NALF1: variants seen among roughly 807,000 people sequenced by gnomAD.
NALF1 encodes the protein family with sequence similarity 155 member A.
A neutral mutation model predicts 48.4 loss-of-function variants in NALF1; 3 were observed. The observed-to-expected ratio is 0.06, with a 90% confidence interval of 0.03 to 0.16. The LOEUF (loss-of-function observed/expected upper bound fraction) is 0.16. Among genes scored for constraint, NALF1 ranks in the 10% least tolerant of loss-of-function variants. The probability of loss-of-function intolerance (pLI) is 1.00; values close to 1 mark genes in which losing one functional copy is unlikely to be tolerated. For missense variants in NALF1, 526 were observed against 571.5 expected, an observed-to-expected ratio of 0.92 and a Z score of 0.81; for synonymous variants, 262 against 245.7, an observed-to-expected ratio of 1.07 and a Z score of -0.62.
chr13:107,703,517 C>T (rs893033379), intron 1 of NALF1, among the ~76,000 whole-genome samples: 2 of 151,944 alleles, frequency 1.3e-5, no homozygotes, highest in Admixed American at 6.6e-5. Flanking sequence ...CCATACCTGG[C>T]TAATTTATTG....
chr13:107,695,113 G>A (rs1033345044), intron 1 of NALF1, among the ~76,000 whole-genome samples: 8 of 152,028 alleles, frequency 5.3e-5, no homozygotes, highest in Non-Finnish European at 1.0e-4. Context: ...TCTGATTATA[G>A]GTTCTACTCC....
chr13:107,245,367 T>A (rs924873824), intron 1 of NALF1, among the ~76,000 whole-genome samples: 1 of 152,230 alleles, frequency 6.6e-6, no homozygotes, highest in African/African-American at 2.4e-5. Flanking sequence ...TTTTAAATTA[T>A]GTTTCATGAA....
At chr13:107,624,053 T>C (rs907520079) in intron 1 of NALF1, among the ~76,000 whole-genome samples, 9 of 152,250 alleles carry the variant, frequency 5.9e-5, no homozygotes, top group African/African-American at 7.2e-5. Context: ...TACTTTAACA[T>C]TGGTAAAAAT....
At chr13:107,410,579 CAT>C (rs1252565295) in intron 1 of NALF1, among the ~76,000 whole-genome samples, 1 of 152,132 alleles carries the variant, frequency 6.6e-6, no homozygotes, top group Non-Finnish European at 1.5e-5. Flanking sequence ...CACACACACA[CAT>C]ACACACACGA....
At chr13:107,700,358 T>C (rs1881790411) in intron 1 of NALF1, among the ~76,000 whole-genome samples, 1 of 151,824 alleles carries the variant, frequency 6.6e-6, no homozygotes, top group African/African-American at 2.4e-5. Context: ...CAAACATATA[T>C]ATAATTTTGA....
At chr13:107,546,172 G>A (rs1489266276) in intron 1 of NALF1, among the ~76,000 whole-genome samples, 1 of 152,112 alleles carries the variant, frequency 6.6e-6, no homozygotes, top group East Asian at 1.9e-4. Context: ...TGGGGCCAGT[G>A]TGCCAACAAA....
chr13:107,562,114 G>C (rs1412686629), intron 1 of NALF1, among the ~76,000 whole-genome samples: 1 of 152,054 alleles, frequency 6.6e-6, no homozygotes, highest in African/African-American at 2.4e-5. Flanking sequence ...ACCTTGCCTT[G>C]ACATCTTGGA....
intron 1 of NALF1, among the ~76,000 whole-genome samples, chr13:107,850,898 A>G (rs1414644205): frequency 6.6e-6 from 1 of 151,958 alleles, no homozygotes; most frequent in Non-Finnish European, 1.5e-5. Context: ...GCGAGACTCC[A>G]TCTCCAAAAA....
At chr13:107,498,399 G>A (rs9514694) in intron 1 of NALF1, among the ~76,000 whole-genome samples, 30,859 of 152,070 alleles carry the variant, frequency 0.2, 3,996 homozygotes, top group Non-Finnish European at 0.28. Context: ...AAATAAGAAA[G>A]CCCTGGAGAT....
intron 1 of NALF1, among the ~76,000 whole-genome samples, chr13:107,376,575 A>G (rs891629997): frequency 1.3e-5 from 2 of 152,180 alleles, no homozygotes; most frequent in African/African-American, 4.8e-5. Flanking sequence ...ACTCTCTGCA[A>G]ATGTAATCTG....
chr13:107,217,865 T>A (rs1879908179), intron 1 of NALF1, among the ~76,000 whole-genome samples: 1 of 152,198 alleles, frequency 6.6e-6, no homozygotes, highest in African/African-American at 2.4e-5. Context: ...AGTTGTGAAC[T>A]CCTGCTTCAT....
intron 1 of NALF1, among the ~76,000 whole-genome samples, chr13:107,678,829 T>A (rs910920937): frequency 1.3e-5 from 2 of 152,036 alleles, no homozygotes; most frequent in African/African-American, 4.8e-5. Flanking sequence ...GGGGAAACCA[T>A]CCCCATGATT....
At chr13:107,462,840 C>T (rs1884941970) in intron 1 of NALF1, among the ~76,000 whole-genome samples, 1 of 152,340 alleles carries the variant, frequency 6.6e-6, no homozygotes. Context: ...CACCTCATTT[C>T]TCCTGGGCTT....
chr13:107,446,237 C>T (rs1884648534), intron 1 of NALF1, among the ~76,000 whole-genome samples: 1 of 152,116 alleles, frequency 6.6e-6, no homozygotes, highest in African/African-American at 2.4e-5. Context: ...GCGCCCGGCT[C>T]ACATTGCTTT....
intron 1 of NALF1, among the ~76,000 whole-genome samples, chr13:107,299,453 TAATAATAATAATAATAATA>T (rs1008119310): frequency 2.1e-4 from 9 of 43,104 alleles, no homozygotes; most frequent in African/African-American, 3.9e-4. Context: ...ATAATAATAA[TAATAATAATAATAATAATA>T]AATAAATAAA....
rs575835461 is a variant in NALF1, at chr13:107,666,281, T to C, written c.915+199401A>G. Among the ~76,000 whole-genome samples the C allele has an allele frequency of 2.6e-5, 4 of 152,276 alleles. No homozygotes were observed. The South Asian group carries it at 8.3e-4, about 32-fold the overall frequency. ...TGAGCATGCCAAAAAACTGTTGCCATGATCTTTGTTCTTATTGGTGGTCCA... is the reference window on the plus strand; with the variant it reads ...TGAGCATGCCAAAAAACTGTTGCCACGATCTTTGTTCTTATTGGTGGTCCA... On this transcript the variant is annotated intron_variant, in intron 1 of 2. Coordinates refer to ENST00000375915, the MANE Select transcript of NALF1 (RefSeq NM_001080396.3).
chr13:107,632,332 T>C (rs1879856503), intron 1 of NALF1, among the ~76,000 whole-genome samples: 1 of 152,180 alleles, frequency 6.6e-6, no homozygotes, highest in African/African-American at 2.4e-5. Context: ...GTGATGCTTC[T>C]GGATTCTGGT....
chr13:107,651,138 T>C (rs571220385), intron 1 of NALF1, among the ~76,000 whole-genome samples: 192 of 152,194 alleles, frequency 1.3e-3, no homozygotes, highest in African/African-American at 3.6e-3. Flanking sequence ...AATGATGAGA[T>C]AAAAGGAAAA....
chr13:107,368,419 G>A (rs558461069), intron 1 of NALF1, among the ~76,000 whole-genome samples: 6 of 151,608 alleles, frequency 4.0e-5, no homozygotes, highest in East Asian at 3.9e-4. Context: ...AGCCTCCTGC[G>A]TAGCTGGGAT....
Sources: allele counts gnomAD v4.1 joint callset (sites outside exome capture counted in the v4.1 genomes callset), GRCh38; gene constraint gnomAD v4.1.1; transcripts MANE v1.5; gene names NCBI Gene and HGNC (gene_info 2026-07-23, HGNC 2026-07-21).